Variants in FRAS1 observed in about 807,000 individuals in gnomAD.
FRAS1 encodes Fraser extracellular matrix complex subunit 1.
In FRAS1, 290 loss-of-function variants were observed where a neutral mutation model predicts 435.2. The ratio of observed to expected loss-of-function variants is 0.67; its 90% CI spans 0.61 to 0.73. The LOEUF (loss-of-function observed/expected upper bound fraction) is 0.73, where lower values mean the gene tolerates loss of function less well. Ranked by LOEUF, FRAS1 falls within the 30% of genes least tolerant of loss-of-function variation. The pLI is 0.00. For missense variants in FRAS1, 4,860 were observed against 5,001.5 expected (o/e 0.97, Z 0.85); for synonymous variants, 1,800 against 1,851.0 (o/e 0.97, Z 0.71).
chr4:78,397,009 A>C (rs1010856031), intron 29 of FRAS1, among the ~76,000 whole-genome samples: 3 of 151,994 alleles, frequency 2.0e-5, no homozygotes, highest in African/African-American at 7.2e-5. Context: ...GATTATTTTG[A>C]ATTATTTGTC....
intron 14 of FRAS1, among the ~76,000 whole-genome samples, chr4:78,307,409 G>A (rs1728803631): frequency 6.6e-6 from 1 of 152,216 alleles, no homozygotes; most frequent in African/African-American, 2.4e-5. Context: ...GAGCTTCCTG[G>A]CTGCTTTGTT....
At chr4:78,377,510 A>G (rs1372599931) in intron 26 of FRAS1, among the ~76,000 whole-genome samples, 1 of 152,216 alleles carries the variant, frequency 6.6e-6, no homozygotes, top group East Asian at 1.9e-4. Flanking sequence ...CCAGGCAAAA[A>G]CAACTTGCAG....
At position 78,318,826 on chromosome 4, in the gene FRAS1, C is replaced by T. The variant is rs1729379533; in HGVS notation, c.1977C>T (p.Cys659=). ...HGVCKACHSS[C]LACMGPAPSH... is the part of the protein sequence containing the mutation. ...CATTTGCAGCCTGTCACTCCTCCTG[C>T]CTGGCTTGTATGGGTCCCGCACCCT... is the stretch of plus-strand genomic sequence containing the variant. The change falls in exon 18 of 74, where the codon TGC becomes TGT. Residue 659 remains cysteine, a synonymous_variant. Coordinates refer to ENST00000512123, the MANE Select transcript of FRAS1 (RefSeq NM_025074.7). The T allele has an allele frequency of 6.3e-7, 1 of 1,576,804 alleles. No individual in the cohort carries two copies. Among genetic ancestry groups the T allele is most frequent in the African/African-American group, 1.4e-5 (1 of 74,040 alleles).
intron 2 of FRAS1, among the ~76,000 whole-genome samples, chr4:78,083,485 G>T (rs1219805100): frequency 6.6e-6 from 1 of 152,112 alleles, no homozygotes; most frequent in African/African-American, 2.4e-5. Context: ...CAGAAAGAAA[G>T]AGCAGAATGA....
At chr4:78,526,160 G>A (rs1052748962) in intron 69 of FRAS1, among the ~76,000 whole-genome samples, 1 of 152,156 alleles carries the variant, frequency 6.6e-6, no homozygotes, top group Non-Finnish European at 1.5e-5. Context: ...ATTGAATAGG[G>A]TATCTGTCAT....
intron 20 of FRAS1, among the ~76,000 whole-genome samples, chr4:78,356,827 T>G (rs1049096269): frequency 6.6e-6 from 1 of 152,072 alleles, no homozygotes; most frequent in Non-Finnish European, 1.5e-5. Flanking sequence ...CATTTAAATC[T>G]ATAACAAAAA....
Position 78,522,677 on chromosome 4 carries a change from C to T in FRAS1, c.10677C>T (p.Leu3559=), listed in dbSNP as rs549590134. 6 of 1,608,020 alleles carry T rather than the reference C, an allele frequency of 3.7e-6. No individual in the cohort carries two copies. Among genetic ancestry groups the T allele is most frequent in the Middle Eastern group, 1.7e-4 (1 of 6,052 alleles). ...AGTTTGTGATGGAGCATCACACTCT[C>T]CCAGAAGTGAAATCTTTCGTATTGA... ...RGQFVMEHHT[L]PEVKSFVLTP... Residue 3559 remains leucine (L), a synonymous_variant, in exon 69 of 74, where the codon CTC becomes CTT. Transcript: ENST00000512123.
At chr4:78,248,436 A>G (rs1464058805) in intron 4 of FRAS1, among the ~76,000 whole-genome samples, 2 of 152,154 alleles carry the variant, frequency 1.3e-5, no homozygotes, top group African/African-American at 4.8e-5. Context: ...GCACCAGATA[A>G]TGTCAAATCT....
At chr4:78,097,660 A>C (rs2109912008) in intron 2 of FRAS1, among the ~76,000 whole-genome samples, 1 of 137,982 alleles carries the variant, frequency 7.2e-6, no homozygotes, top group South Asian at 2.2e-4. Context: ...CTTATTCACT[A>C]TCATAGAACA....
chr4:78,082,200 TA>T, intron 2 of FRAS1, among the ~76,000 whole-genome samples: 1 of 152,202 alleles, frequency 6.6e-6, no homozygotes, highest in East Asian at 1.9e-4. Context: ...CTGGCACCCA[TA>T]AAAAATACAC....
chr4:78,444,312 A>T (rs1217311895), intron 41 of FRAS1: 1 of 248,420 alleles, frequency 4.0e-6, no homozygotes, highest in African/African-American at 2.3e-5. Context: ...CTGGCCGCTT[A>T]GACCTCTCTC....
At chr4:78,065,758 T>C (rs1460878506) in intron 1 of FRAS1, among the ~76,000 whole-genome samples, 1 of 152,168 alleles carries the variant, frequency 6.6e-6, no homozygotes. Flanking sequence ...AAAATTCAAG[T>C]CATAAGTTTT....
chr4:78,368,439 G>A (rs902352341), intron 22 of FRAS1, among the ~76,000 whole-genome samples: 3 of 150,742 alleles, frequency 2.0e-5, no homozygotes, highest in African/African-American at 7.4e-5. Flanking sequence ...CCTCTGACAC[G>A]TACTTAGAGA....
At chr4:78,062,736 G>A (rs1346591404) in intron 1 of FRAS1, among the ~76,000 whole-genome samples, 1 of 152,120 alleles carries the variant, frequency 6.6e-6, no homozygotes. Flanking sequence ...ATGCAGTAAC[G>A]TTTTTTCTGT....
rs148651092 is a variant in FRAS1, at chr4:78,232,607, G to C, written c.109-4903G>C. Among the ~76,000 whole-genome samples, 88 of 152,168 alleles carry C rather than the reference G, an allele frequency of 5.8e-4. 1 individual carries two copies. In the East Asian group the frequency reaches 0.013, roughly 22 times the overall value. ...GCTGGTACAAGGAAGATTTTTGATAGGTCCAATACCTAGATGAAGAAAATT... is the reference window on the plus strand; with the variant it reads ...GCTGGTACAAGGAAGATTTTTGATACGTCCAATACCTAGATGAAGAAAATT... On this transcript the variant is annotated intron_variant, in intron 2 of 73. Coordinates refer to ENST00000512123, the MANE Select transcript of FRAS1 (RefSeq NM_025074.7).
intron 2 of FRAS1, among the ~76,000 whole-genome samples, chr4:78,211,664 A>G (rs1018004723): frequency 1.3e-5 from 2 of 151,992 alleles, no homozygotes; most frequent in African/African-American, 4.8e-5. Flanking sequence ...TAAAGTTCTG[A>G]CATTAAGTAA....
chr4:78,251,279 G>A (rs1725517231), intron 4 of FRAS1, among the ~76,000 whole-genome samples: 1 of 152,162 alleles, frequency 6.6e-6, no homozygotes, highest in Non-Finnish European at 1.5e-5. Context: ...TTGTATCTGT[G>A]TCCATTCCTG....
Position 78,408,739 on chromosome 4 carries a change from T to C in FRAS1, c.4308+898T>C, listed in dbSNP as rs1200921489. On this transcript the variant is annotated intron_variant, in intron 31 of 73. Transcript: ENST00000512123. Reference sequence around the variant, plus strand: ...CTTCGAATACTGCATATCAGATAGGTAGCATTATATAAGGGTTTGTTATTA... The same window carrying C: ...CTTCGAATACTGCATATCAGATAGGCAGCATTATATAAGGGTTTGTTATTA... Among the ~76,000 whole-genome samples the C allele has an allele frequency of 2.0e-5, 3 of 152,182 alleles. 1 individual carries two copies. Among genetic ancestry groups the C allele is most frequent in the African/African-American group, 7.2e-5 (3 of 41,442 alleles).
intron 47 of FRAS1, among the ~76,000 whole-genome samples, chr4:78,456,450 C>T (rs1259598142): frequency 1.3e-5 from 2 of 152,154 alleles, no homozygotes; most frequent in African/African-American, 4.8e-5. Flanking sequence ...CCTCAAATAA[C>T]ATATATCACC....
Sources: gnomAD v4.1 joint callset for allele counts (sites outside exome capture counted in the v4.1 genomes callset) on GRCh38, gnomAD v4.1.1 for gene constraint, MANE v1.5 for transcripts, NCBI Gene and HGNC (gene_info 2026-07-23, HGNC 2026-07-21) for gene names.